SDSL: variants seen among roughly 807,000 people sequenced by gnomAD.
The protein encoded by SDSL is serine dehydratase like.
SDSL carries 26 observed loss-of-function variants against 27.6 expected under a neutral mutation model. That is an observed-to-expected ratio of 0.94 (90% CI 0.69 to 1.31). SDSL has a LOEUF of 1.31. Among genes scored for constraint, SDSL ranks in the 50% most tolerant of loss-of-function variants. SDSL has a pLI of 0.00. For missense variants in SDSL, 431 were observed against 423.5 expected (o/e 1.02, Z -0.16); for synonymous variants, 196 against 180.6 (o/e 1.09, Z -0.69).
intron 5 of SDSL, among the ~76,000 whole-genome samples, chr12:113,434,782 T>C (rs1957968894): frequency 6.6e-6 from 1 of 152,120 alleles, no homozygotes; most frequent in Admixed American, 6.5e-5. Flanking sequence ...GGGAGGTTGA[T>C]GGAGATGGGA....
chr12:113,435,248 TG>T, intron 5 of SDSL, 80 bp from the exon 6 acceptor site: 2 of 949,022 alleles, frequency 2.1e-6, no homozygotes, highest in Non-Finnish European at 3.0e-6. Context: ...AACCCACCCC[TG>T]GTAAATTCCC....
chr12:113,428,296 C>G, intron 2 of SDSL, 124 bp from the exon 3 acceptor site: 1 of 1,303,576 alleles, frequency 7.7e-7, no homozygotes. Flanking sequence ...AAGGGCAGGG[C>G]TGTGGGCAGG....
intron 3 of SDSL, 132 bp from the exon 4 acceptor site, chr12:113,429,028 A>G (rs77896615): frequency 0.049 from 50,657 of 1,041,046 alleles, 1,849 homozygotes; most frequent in African/African-American, 0.17. Context: ...CCCCCTCTTG[A>G]GTGGAGGAAG....
chr12:113,428,131 G>A lies in SDSL; in HGVS notation c.149G>A (p.Arg50Gln), dbSNP rs747265272. 5 of 1,612,438 alleles carry A rather than the reference G, an allele frequency of 3.1e-6. No homozygotes were observed. The highest frequency in any genetic ancestry group is 2.2e-5 in the East Asian group (1 of 44,874). Residue 50 changes from arginine (R) to glutamine (Q), a missense_variant, in exon 2 of 8, where the codon CGG becomes CAG. Arg to Gln is a conservative substitution (Grantham distance 43, BLOSUM62 1). Coordinates refer to ENST00000403593, the MANE Select transcript of SDSL (RefSeq NM_001304993.2). Reference protein sequence around the residue: ...NVQPSGSFKIRGIGHFCQEMA... With the variant: ...NVQPSGSFKIQGIGHFCQEMA... ...CAGCCCAGCGGCTCCTTCAAGATTC[G>A]GGGCATTGGGCATTTCTGCCAGGAG...
chr12:113,423,768 A>G (rs2136946815), intron 1 of SDSL, among the ~76,000 whole-genome samples: 1 of 152,214 alleles, frequency 6.6e-6, no homozygotes. Context: ...AAAACAAGAA[A>G]GCGGAAGGAT....
At chr12:113,430,547 C>T (rs571736638) in intron 4 of SDSL, among the ~76,000 whole-genome samples, 2 of 152,236 alleles carry the variant, frequency 1.3e-5, no homozygotes, top group South Asian at 2.1e-4. Context: ...CCAGTGGCCA[C>T]TGGGGGCACG....
intron 5 of SDSL, among the ~76,000 whole-genome samples, chr12:113,434,711 C>T (rs1957968409): frequency 6.6e-6 from 1 of 152,220 alleles, no homozygotes; most frequent in African/African-American, 2.4e-5. Context: ...CACACATTGC[C>T]ATTGCCTCTT....
At chr12:113,428,192 T>G in intron 2 of SDSL, 36 bp downstream of exon 2, 1 of 1,549,724 alleles carries the variant, frequency 6.5e-7, no homozygotes, top group Non-Finnish European at 8.8e-7. Context: ...GAAGTGAGGT[T>G]GTGCAGGAGG....
chr12:113,436,945 G>T (rs1958004447), intron 7 of SDSL, 70 bp downstream of exon 7: 3 of 1,433,306 alleles, frequency 2.1e-6, no homozygotes, highest in African/African-American at 1.4e-5. Flanking sequence ...GCAAGAGTGT[G>T]TTCTGTCTTA....
At position 113,438,067 on chromosome 12, in the gene SDSL, G is replaced by A. The variant is rs959821103; in HGVS notation, c.978G>A (p.Leu326=). Residue 326 remains leucine, a synonymous_variant, in exon 8 of 8, where the codon CTG becomes CTA. Coordinates refer to ENST00000403593, the MANE Select transcript of SDSL (RefSeq NM_001304993.2). ...AGCTGCAGGCTTTGAAAACCCACCT[G>A]GGCCAGGTCTGAGGGGTCCCATCCT... ...SRELQALKTH[L]GQV 1.2e-6 allele frequency: 2 copies of A among 1,613,524 alleles called. No individual in the cohort carries two copies. Among genetic ancestry groups the A allele is most frequent in the African/African-American group, 2.7e-5 (2 of 74,924 alleles).
In SDSL at chr12:113,437,108, G is replaced by A. The variant is rs112361512; in HGVS notation, c.796+233G>A. 7.7e-5 allele frequency: 24 copies of A among 312,360 alleles called. 2 individuals are homozygous for A. The Middle Eastern group carries it at 1.9e-3, about 25-fold the overall frequency. The allele number at this position is 312,360 out of a possible 1,614,324, so 19.3% of individuals were successfully genotyped here. A position where few individuals can be genotyped will look rare whatever the true frequency, so the allele number is the denominator to read the frequency against. ...ATACATGCTGCTCCTCTCTCTGGCTGGCCCTGCTCCCTATTGGTTTGATGT... is the reference window on the plus strand; with the variant it reads ...ATACATGCTGCTCCTCTCTCTGGCTAGCCCTGCTCCCTATTGGTTTGATGT... On this transcript the variant is annotated intron_variant, in intron 7 of 7. Transcript: ENST00000403593.
At chr12:113,429,013 T>C (rs1351083766) in intron 3 of SDSL, 147 bp from the exon 4 acceptor site, 1 of 916,032 alleles carries the variant, frequency 1.1e-6, no homozygotes, top group African/African-American at 1.7e-5. Flanking sequence ...ACCTAAATTA[T>C]GTGTCCCCCT....
chr12:113,432,193 C>A lies in SDSL; in HGVS notation c.355-1941C>A, dbSNP rs138263967. ...GGTGTGAACCACTGTGCCTGGCTGA[C>A]AGGTTTGTTTGTTTGCTTCTTTCTT... On this transcript the variant is annotated intron_variant, in intron 4 of 7. Transcript: ENST00000403593. 1.4e-4 allele frequency among the ~76,000 whole-genome samples: 22 copies of A among 151,980 alleles called. 1 individual carries two copies. The East Asian group carries it at 3.9e-3, about 27-fold the overall frequency.
Position 113,437,990 on chromosome 12 carries a change from C to T in SDSL, c.901C>T (p.Leu301=). ...GGCCGAGGGCTGCCTGCCCCCTTCCCTGACTTCAGTTGTGGTAATCGTGTG... is the reference window on the plus strand; with the variant it reads ...GGCCGAGGGCTGCCTGCCCCCTTCCTTGACTTCAGTTGTGGTAATCGTGTG... ...LQAEGCLPPS[L]TSVVVIVCGG... is the part of the protein sequence containing the mutation. Residue 301 remains leucine (L), a synonymous_variant, in exon 8 of 8, where the codon CTG becomes TTG. Transcript: ENST00000403593. The T allele has an allele frequency of 6.2e-7, 1 of 1,614,232 alleles. No homozygotes were observed. The highest frequency in any genetic ancestry group is 8.5e-7 in the Non-Finnish European group (1 of 1,180,032).
intron 5 of SDSL, 82 bp from the exon 6 acceptor site, chr12:113,435,243 ACCCC>A: frequency 1.1e-6 from 1 of 888,332 alleles, no homozygotes; most frequent in Non-Finnish European, 1.7e-6. Flanking sequence ...CAGAGAACCC[ACCCC>A]TGGTAAATTC....
rs541373337 is a variant in SDSL at position 113,430,973 on chromosome 12, A to G, written c.354+1674A>G. Among the ~76,000 whole-genome samples, 6 of 152,346 alleles carry G rather than the reference A, an allele frequency of 3.9e-5. 1 individual carries two copies. In the South Asian group the frequency reaches 1.2e-3, roughly 32 times the overall value. Reference sequence around the variant, plus strand: ...TTCTAACAGAGGGAGGCAGTGGAGAATTGGGCAGTGGTCAAACCAATGGGC... The same window carrying G: ...TTCTAACAGAGGGAGGCAGTGGAGAGTTGGGCAGTGGTCAAACCAATGGGC... On this transcript the variant is annotated intron_variant, in intron 4 of 7. Transcript: ENST00000403593.
chr12:113,429,559 ACTGT>A (rs111506705), intron 4 of SDSL, among the ~76,000 whole-genome samples: 22 of 152,242 alleles, frequency 1.4e-4, no homozygotes, highest in African/African-American at 4.6e-4. Flanking sequence ...TGAACAGGAG[ACTGT>A]CTGTCTCCTT....
chr12:113,437,028 A>T (rs943209419), intron 7 of SDSL, 153 bp downstream of exon 7: 1 of 662,988 alleles, frequency 1.5e-6, no homozygotes, highest in East Asian at 3.6e-5. Flanking sequence ...AGTAGATGGA[A>T]GGGGGTGAGG....
chr12:113,429,248 G>A lies in SDSL; in HGVS notation c.303G>A (p.Gln101=). 1 of 1,613,780 alleles carries A rather than the reference G, an allele frequency of 6.2e-7. No homozygotes were observed. Among genetic ancestry groups the A allele is most frequent in the East Asian group, 2.2e-5 (1 of 44,866 alleles). Residue 101 remains glutamine (Q), a synonymous_variant, in exon 4 of 8, where the codon CAG becomes CAA. Transcript: ENST00000403593. ...TIVLPESTSL[Q]VVQRLQGEGA... ...TGCTCCCCGAGAGCACCTCCCTGCA[G>A]GTGGTGCAGAGGCTGCAGGGGGAGG...
Sources: gnomAD v4.1 joint callset for allele counts (sites outside exome capture counted in the v4.1 genomes callset) on GRCh38, gnomAD v4.1.1 for gene constraint, MANE v1.5 for transcripts, NCBI Gene and HGNC (gene_info 2026-07-23, HGNC 2026-07-21) for gene names.